The following MBTPS1 variants were observed in gnomAD, a reference collection of about 807,000 sequenced individuals.
MBTPS1 encodes the protein membrane-bound transcription factor site-1 protease.
Under a neutral mutation model 127.8 loss-of-function variants are expected in MBTPS1, and 94 were observed. The observed-to-expected ratio is 0.74, with a 90% CI of 0.62 to 0.87. MBTPS1 has a LOEUF of 0.87. Among genes scored for constraint, MBTPS1 ranks in the 40% least tolerant of loss-of-function variants. The probability of loss-of-function intolerance (pLI) is 0.00; values close to 1 mark genes in which losing one functional copy is unlikely to be tolerated. For missense variants in MBTPS1, 1,636 were observed against 1,353.2 expected (o/e 1.21, Z -3.28); for synonymous variants, 632 against 509.4 (o/e 1.24, Z -3.24).
chr16:84,094,848 G>A (rs1213241728), intron 4 of MBTPS1, among the ~76,000 whole-genome samples: 1 of 152,142 alleles, frequency 6.6e-6, no homozygotes, highest in Non-Finnish European at 1.5e-5. Context: ...AGATATTTTG[G>A]AGGGCAGGGC....
rs1406036099 is a variant in MBTPS1 at position 84,060,792 on chromosome 16, G to A, written c.2594C>T (p.Ala865Val). 2 of 1,590,300 alleles carry A rather than the reference G, an allele frequency of 1.3e-6. No individual in the cohort carries two copies. Among genetic ancestry groups the A allele is most frequent in the African/African-American group, 2.7e-5 (2 of 74,476 alleles). ...CCCATACGATGTGTACTGGAGGAGG[G>A]CATCCAGAAGCCAAAAGCAGTCTGC... ...RQKDCFWLLD[A>V]LLQYTSYGVT... Residue 865 changes from alanine (A) to valine (V), a missense_variant, in exon 20 of 23, where the codon GCC becomes GTC. Ala to Val is a moderately conservative substitution (Grantham distance 64). Transcript: ENST00000343411.
intron 2 of MBTPS1, among the ~76,000 whole-genome samples, chr16:84,100,850 C>T (rs1055326397): frequency 6.6e-6 from 1 of 151,766 alleles, no homozygotes; most frequent in East Asian, 1.9e-4. Context: ...GTGCACTCAA[C>T]CCATTGGAAA....
intron 8 of MBTPS1, 151 bp from the exon 9 acceptor site, chr16:84,087,611 C>T (rs903850913): frequency 1.7e-6 from 1 of 604,430 alleles, no homozygotes; most frequent in African/African-American, 1.9e-5. Flanking sequence ...TGCAGCTCCT[C>T]ACGGCTGTCC....
intron 11 of MBTPS1, among the ~76,000 whole-genome samples, chr16:84,077,751 T>C (rs1325228999): frequency 6.6e-6 from 1 of 151,996 alleles, no homozygotes; most frequent in Non-Finnish European, 1.5e-5. Flanking sequence ...AATGTGACTA[T>C]TAAAAAACAA....
rs960777850 is a variant in MBTPS1 at position 84,090,749 on chromosome 16, A to AT, written c.1031+125dup. ...TAGTATTTTTTTACATGAGGAAAACATCCTTAAGACAAGTTTTAGACAGAC... is the reference window on the plus strand; with the variant it reads ...TAGTATTTTTTTACATGAGGAAAACATTCCTTAAGACAAGTTTTAGACAGAC... On this transcript the variant is annotated intron_variant, in intron 8 of 22. Coordinates refer to ENST00000343411, the MANE Select transcript of MBTPS1 (RefSeq NM_003791.4). The AT allele has an allele frequency of 2.8e-5, 20 of 712,866 alleles. No individual in the cohort carries two copies. The African/African-American group carries it at 3.4e-4, about 12-fold the overall frequency. 44.2% of individuals were successfully genotyped at this position (712,866 alleles called of 1,614,324 possible). A position where few individuals can be genotyped will look rare whatever the true frequency, so the allele number is the denominator to read the frequency against.
At position 84,084,900 on chromosome 16, in the gene MBTPS1, G is replaced by T. The variant is rs868500392; in HGVS notation, c.1286+83C>A. 9.7e-5 allele frequency: 142 copies of T among 1,468,696 alleles called. 1 individual carries two copies. The South Asian group carries it at 1.6e-3, about 17-fold the overall frequency. 91.0% of individuals were successfully genotyped at this position (1,468,696 alleles called of 1,614,324 possible). On this transcript the variant is annotated intron_variant, in intron 10 of 22. Coordinates refer to ENST00000343411, the MANE Select transcript of MBTPS1 (RefSeq NM_003791.4). Reference sequence around the variant, plus strand: ...CTCTCAAACCCAAGACAGGGCAGAAGCAAGACACGACTCCTGCTCTGCTGG... The same window carrying T: ...CTCTCAAACCCAAGACAGGGCAGAATCAAGACACGACTCCTGCTCTGCTGG...
At chr16:84,098,143 T>C (rs1455166611) in intron 3 of MBTPS1, among the ~76,000 whole-genome samples, 2 of 152,146 alleles carry the variant, frequency 1.3e-5, no homozygotes, top group Admixed American at 6.5e-5. Flanking sequence ...CCAATTGTAA[T>C]GAAGTAGGAA....
At chr16:84,063,942 T>C (rs1331034436) in intron 18 of MBTPS1, among the ~76,000 whole-genome samples, 1 of 152,236 alleles carries the variant, frequency 6.6e-6, no homozygotes, top group Non-Finnish European at 1.5e-5. Context: ...TTTTTAAAAG[T>C]ATGTCCACAT....
chr16:84,064,270 G>A (rs2085651133), intron 18 of MBTPS1, among the ~76,000 whole-genome samples: 1 of 151,938 alleles, frequency 6.6e-6, no homozygotes, highest in Admixed American at 6.6e-5. Flanking sequence ...CTCTGTGCAG[G>A]AATCCTACTA....
chr16:84,082,671 T>A (rs534985413), intron 10 of MBTPS1, among the ~76,000 whole-genome samples: 3 of 152,326 alleles, frequency 2.0e-5, no homozygotes, highest in African/African-American at 7.2e-5. Context: ...CTCTCCTAAG[T>A]TCCTAAATAT....
chr16:84,081,921 T>C lies in MBTPS1; in HGVS notation c.1287-13A>G, dbSNP rs776811006. The C allele has an allele frequency of 1.5e-5, 20 of 1,374,624 alleles. No individual in the cohort carries two copies. Among genetic ancestry groups the C allele is most frequent in the Non-Finnish European group, 1.9e-5 (20 of 1,052,468 alleles). 85.2% of individuals were successfully genotyped at this position (1,374,624 alleles called of 1,614,324 possible). On this transcript the variant is annotated splice_polypyrimidine_tract_variant and intron_variant, in intron 10 of 22. Coordinates refer to ENST00000343411, the MANE Select transcript of MBTPS1 (RefSeq NM_003791.4). ...CTTCTGGACTGTGCTGGAGGAAAAA[T>C]CAAGAATTGCCTATTTTCTCTCAGT... is the stretch of plus-strand genomic sequence containing the variant.
rs776627101 is a variant in MBTPS1, at chr16:84,070,743, C to G, written c.1627G>C (p.Asp543His). 6.2e-7 allele frequency: 1 copy of G among 1,613,680 alleles called. No individual in the cohort carries two copies. The highest frequency in any genetic ancestry group is 8.5e-7 in the Non-Finnish European group (1 of 1,179,824). The change falls in exon 13 of 23, where the codon GAC becomes CAC. Residue 543 changes from aspartate to histidine, a missense_variant. Asp to His is a moderately conservative substitution (Grantham distance 81). Coordinates refer to ENST00000343411, the MANE Select transcript of MBTPS1 (RefSeq NM_003791.4). The part of the protein sequence containing the change: ...DWQPYLPQNG[D>H]NIEVAFSYSS... ...TAGGAGAAGGCAACTTCAATGTTGT[C>G]TCCGTTCTGTGGCAAATAGGGCTGC...
chr16:84,079,336 C>T (rs1257403006), intron 11 of MBTPS1, among the ~76,000 whole-genome samples: 1 of 152,166 alleles, frequency 6.6e-6, no homozygotes, highest in African/African-American at 2.4e-5. Flanking sequence ...ACGAACACAT[C>T]CTTAGAACCA....
At chr16:84,111,338 G>C (rs189105979) in intron 1 of MBTPS1, among the ~76,000 whole-genome samples, 1 of 152,238 alleles carries the variant, frequency 6.6e-6, no homozygotes, top group Admixed American at 6.5e-5. Flanking sequence ...TCAGGCGTTC[G>C]AGACCAGCCT....
At position 84,072,663 on chromosome 16, in the gene MBTPS1, G is replaced by A. The variant is rs935435352; in HGVS notation, c.1594-1887C>T. Among the ~76,000 whole-genome samples, 31 of 152,110 alleles carry A rather than the reference G, an allele frequency of 2.0e-4. 1 individual carries two copies. Among genetic ancestry groups the A allele is most frequent in the Admixed American group, 4.6e-4 (7 of 15,274 alleles). On this transcript the variant is annotated intron_variant, in intron 12 of 22. Coordinates refer to ENST00000343411, the MANE Select transcript of MBTPS1 (RefSeq NM_003791.4). ...AAATTAGCCGGGCATGGTGGTGGGC[G>A]CCTGTAGTCCCAGCTACTCGGGAGG...
chr16:84,108,130 CT>C (rs2086350030), intron 1 of MBTPS1, among the ~76,000 whole-genome samples: 1 of 152,058 alleles, frequency 6.6e-6, no homozygotes, highest in African/African-American at 2.4e-5. Context: ...CCTCCTGGTT[CT>C]CACTATACAA....
At chr16:84,104,464 A>T (rs1240126914) in intron 1 of MBTPS1, among the ~76,000 whole-genome samples, 1 of 152,132 alleles carries the variant, frequency 6.6e-6, no homozygotes, top group East Asian at 1.9e-4. Flanking sequence ...CTCTCTCTCC[A>T]CTTAAAAAAC....
intron 13 of MBTPS1, 141 bp downstream of exon 13, chr16:84,070,447 G>T: frequency 1.2e-6 from 1 of 820,030 alleles, no homozygotes; most frequent in Non-Finnish European, 1.9e-6. Context: ...GGAGGCCCTG[G>T]AACCATCAAT....
In MBTPS1 at chr16:84,091,848, C is replaced by T. The variant is rs1196001149; in HGVS notation, c.847G>A (p.Val283Ile). 4 of 1,539,246 alleles carry T rather than the reference C, an allele frequency of 2.6e-6. No homozygotes were observed. The East Asian group carries it at 6.7e-5, about 26-fold the overall frequency. The change falls in exon 7 of 23, where the codon GTA (valine) becomes ATA (isoleucine). Residue 283 changes from valine to isoleucine, a missense_variant and splice_region_variant. Val to Ile is a conservative substitution (Grantham distance 29). Transcript: ENST00000343411. ...TCCAAAAACCAAGATGTGTAAGATA[C>T]CTAGTTAAATATTATAACAGTCTGC... ...HIFRVFTNNQVSYTSWFLDAF... is the reference protein window; with the variant it reads ...HIFRVFTNNQISYTSWFLDAF...
Sources: allele counts gnomAD v4.1 joint callset (sites outside exome capture counted in the v4.1 genomes callset), GRCh38; gene constraint gnomAD v4.1.1; transcripts MANE v1.5; gene names NCBI Gene and HGNC (gene_info 2026-07-23, HGNC 2026-07-21).